PCDHGA11: variants seen among roughly 807,000 people sequenced by gnomAD.
PCDHGA11 encodes protocadherin gamma-A11.
A neutral mutation model predicts 60.4 loss-of-function variants in PCDHGA11; 39 were observed. The ratio of observed to expected loss-of-function variants is 0.65; its 90% confidence interval spans 0.50 to 0.84. The LOEUF is 0.84. Among genes scored for constraint, PCDHGA11 ranks in the 40% least tolerant of loss-of-function variants. The probability of loss-of-function intolerance (pLI) is 0.00; values close to 1 mark genes in which losing one functional copy is unlikely to be tolerated. For missense variants in PCDHGA11, 1,165 were observed against 1,197.7 expected (o/e 0.97, Z 0.40); for synonymous variants, 533 against 510.3 (o/e 1.04, Z -0.60).
Position 141,490,810 on chromosome 5 carries a change from T to C in PCDHGA11, c.2434-3997T>C, listed in dbSNP as rs2099704652. On this transcript the variant is annotated intron_variant, in intron 1 of 3. Transcript: ENST00000398587. This position sits in a 1 kb window ranked among gnomAD's most constrained non-coding sequence, Gnocchi z 5.4. ...GATCTTTGCCCAGCGTACCTTTGAC[T>C]ATGAATTGCTGCAGATGCTGCAGAT... 1 of 1,613,936 alleles carries C rather than the reference T, an allele frequency of 6.2e-7. No individual in the cohort carries two copies. Among genetic ancestry groups the C allele is most frequent in the Non-Finnish European group, 8.5e-7 (1 of 1,179,884 alleles).
At chr5:141,429,657 A>G (rs1455808092) in intron 1 of PCDHGA11, among the ~76,000 whole-genome samples, 1 of 152,232 alleles carries the variant, frequency 6.6e-6, no homozygotes, top group African/African-American at 2.4e-5. Flanking sequence ...TTCCCAATTT[A>G]AAATATATTA....
intron 2 of PCDHGA11, among the ~76,000 whole-genome samples, chr5:141,496,279 G>C (rs902362885): frequency 1.3e-5 from 2 of 152,198 alleles, no homozygotes; most frequent in Non-Finnish European, 2.9e-5. Context: ...ACCTTCAGTT[G>C]GTCTGAGCAG....
chr5:141,441,762 C>A (rs3805697), intron 1 of PCDHGA11: 10 of 374,012 alleles, frequency 2.7e-5, no homozygotes, highest in Non-Finnish European at 2.2e-5. Flanking sequence ...CGTGAGCCTG[C>A]GCGTGTTGGT....
chr5:141,499,150 T>C (rs1424635509), intron 2 of PCDHGA11, among the ~76,000 whole-genome samples: 5 of 152,180 alleles, frequency 3.3e-5, no homozygotes, highest in Non-Finnish European at 1.5e-5. Context: ...CTGATCCCAA[T>C]AGCTGTTGTC....
In PCDHGA11 at chr5:141,487,598, C is replaced by T. The variant is rs1450685717; in HGVS notation, c.2434-7209C>T. 6.2e-7 allele frequency: 1 copy of T among 1,614,210 alleles called. No homozygotes were observed. The highest frequency in any genetic ancestry group is 8.5e-7 in the Non-Finnish European group (1 of 1,180,046). ...TCGCCCAAGCTGCCCACCCTCTGAT[C>T]TTCTCTATGGGCTAGAGGTGAGACC... is the stretch of plus-strand genomic sequence containing the variant. On this transcript the variant is annotated intron_variant, in intron 1 of 3. Transcript: ENST00000398587. The surrounding 1 kb of genome is among the most constrained non-coding windows in gnomAD (Gnocchi z 5.0).
At chr5:141,464,556 G>A (rs1158827360) in intron 1 of PCDHGA11, among the ~76,000 whole-genome samples, 4 of 151,990 alleles carry the variant, frequency 2.6e-5, no homozygotes, top group Admixed American at 6.6e-5. Flanking sequence ...TCCCCATCTT[G>A]CATTCCTACA....
At position 141,511,239 on chromosome 5, in the gene PCDHGA11, C is replaced by A; in HGVS notation, c.*66C>A. On this transcript the variant is annotated 3_prime_UTR_variant, in exon 4 of 4. Coordinates refer to ENST00000398587, the MANE Select transcript of PCDHGA11 (RefSeq NM_018914.3). ...AACCAGCCCAGCTTCTCCTTACCTG[C>A]ACCCAGGCCTCAGAGTTTCAGGGCT... 1 of 1,587,938 alleles carries A rather than the reference C, an allele frequency of 6.3e-7. No homozygotes were observed. Among genetic ancestry groups the A allele is most frequent in the Admixed American group, 1.8e-5 (1 of 55,480 alleles).
chr5:141,497,031 A>G (rs898409925), intron 2 of PCDHGA11, among the ~76,000 whole-genome samples: 14 of 152,184 alleles, frequency 9.2e-5, no homozygotes, highest in African/African-American at 3.4e-4. Context: ...TCGATTAAAA[A>G]TACAAAAATT....
At chr5:141,470,165 G>C (rs559578238) in intron 1 of PCDHGA11, among the ~76,000 whole-genome samples, 1 of 152,276 alleles carries the variant, frequency 6.6e-6, no homozygotes, top group Non-Finnish European at 1.5e-5. Context: ...TCAAATCAAA[G>C]TATGCAAAAT....
chr5:141,489,894 G>A lies in PCDHGA11; in HGVS notation c.2434-4913G>A, dbSNP rs942456058. 33 of 1,614,204 alleles carry A rather than the reference G, an allele frequency of 2.0e-5. No individual in the cohort carries two copies. The highest frequency in any genetic ancestry group is 2.4e-5 in the Non-Finnish European group (28 of 1,180,028). Reference sequence around the variant, plus strand: ...TGGTGCTTACTGCTGTGGATGGGGGGACCCCAGCCCGCTCAGGGACCACCC... The same window carrying A: ...TGGTGCTTACTGCTGTGGATGGGGGAACCCCAGCCCGCTCAGGGACCACCC... On this transcript the variant is annotated intron_variant, in intron 1 of 3. Coordinates refer to ENST00000398587, the MANE Select transcript of PCDHGA11 (RefSeq NM_018914.3). This position sits in a 1 kb window ranked among gnomAD's most constrained non-coding sequence, Gnocchi z 4.5.
At position 141,512,903 on chromosome 5, in the gene PCDHGA11, CAA is replaced by C. The variant is rs2099884494; in HGVS notation, c.*1731_*1732del. The C allele has an allele frequency of 6.6e-6, 1 of 152,224 alleles. No individual in the cohort carries two copies. Among genetic ancestry groups the C allele is most frequent in the African/African-American group, 2.4e-5 (1 of 41,452 alleles). 9.4% of individuals were successfully genotyped at this position (152,224 alleles called of 1,614,324 possible). On this transcript the variant is annotated 3_prime_UTR_variant, in exon 4 of 4. Transcript: ENST00000398587. ...CCCCACCCTCTTCCTGTGTCTCACG[CAA>C]GTTTTATACTCTAATATTTATATGG...
At position 141,489,180 on chromosome 5, in the gene PCDHGA11, C is replaced by G. The variant is rs942218118; in HGVS notation, c.2434-5627C>G. On this transcript the variant is annotated intron_variant, in intron 1 of 3. Transcript: ENST00000398587. This position sits in a 1 kb window ranked among gnomAD's most constrained non-coding sequence, Gnocchi z 4.5. ...GACTTCAGCTGCTGCATTCCAAGCC[C>G]TGGGTCTACCTTGGAGACAGGACAG... The G allele has an allele frequency of 1.8e-5, 23 of 1,259,630 alleles. No homozygotes were observed. In the South Asian group the frequency reaches 3.0e-4, roughly 17 times the overall value. The allele number at this position is 1,259,630 out of a possible 1,614,324, so 78.0% of individuals were successfully genotyped here.
At chr5:141,470,900 G>A (rs1454085317) in intron 1 of PCDHGA11, among the ~76,000 whole-genome samples, 4 of 151,832 alleles carry the variant, frequency 2.6e-5, no homozygotes, top group African/African-American at 9.7e-5. Context: ...GTTTTTTGTA[G>A]AGATGGGACT....
intron 2 of PCDHGA11, among the ~76,000 whole-genome samples, chr5:141,500,501 G>A (rs571735791): frequency 1.3e-5 from 2 of 152,058 alleles, no homozygotes; most frequent in Non-Finnish European, 2.9e-5. Context: ...GAGCCACCGC[G>A]CCTGGCCGAG....
chr5:141,483,009 C>T (rs538900128), intron 1 of PCDHGA11, among the ~76,000 whole-genome samples: 4 of 151,942 alleles, frequency 2.6e-5, no homozygotes, highest in Non-Finnish European at 5.9e-5. Flanking sequence ...TGCTTGAACC[C>T]GGGAGGCAGA....
rs1280923293 is a variant in PCDHGA11 at position 141,478,837 on chromosome 5, G to A, written c.2434-15970G>A. ...AACTAACCAATCTTGCTAAGGGATG[G>A]TTAAGCTAAAACACAAGATCTCAGC... is the stretch of plus-strand genomic sequence containing the variant. On this transcript the variant is annotated intron_variant, in intron 1 of 3. Transcript: ENST00000398587. 3.5e-6 allele frequency: 5 copies of A among 1,428,112 alleles called. No homozygotes were observed. The African/African-American group carries it at 5.8e-5, about 16-fold the overall frequency. The allele number at this position is 1,428,112 out of a possible 1,614,324, so 88.5% of individuals were successfully genotyped here.
In PCDHGA11 at chr5:141,432,017, A is replaced by G. The variant is rs372826902; in HGVS notation, c.2433+8357A>G. The stretch of plus-strand genomic sequence containing the variant: ...TAGGGAACAGGTTCCTAGCTACAAC[A>G]TCACAGTGACCGCCACTGACCGGGG... On this transcript the variant is annotated intron_variant, in intron 1 of 3. Coordinates refer to ENST00000398587, the MANE Select transcript of PCDHGA11 (RefSeq NM_018914.3). This position sits in a 1 kb window ranked among gnomAD's most constrained non-coding sequence, Gnocchi z 6.0. The G allele has an allele frequency of 6.2e-7, 1 of 1,614,224 alleles. No individual in the cohort carries two copies. Among genetic ancestry groups the G allele is most frequent in the Non-Finnish European group, 8.5e-7 (1 of 1,180,038 alleles).
At chr5:141,455,789 G>A (rs966897617) in intron 1 of PCDHGA11, among the ~76,000 whole-genome samples, 56 of 152,058 alleles carry the variant, frequency 3.7e-4, no homozygotes, top group African/African-American at 1.3e-3. Context: ...AACTTTTCCG[G>A]AGATGCTTTA....
intron 1 of PCDHGA11, among the ~76,000 whole-genome samples, chr5:141,439,050 A>G (rs1353548752): frequency 1.3e-5 from 2 of 151,164 alleles, no homozygotes; most frequent in Non-Finnish European, 2.9e-5. Flanking sequence ...TAAGATTTCC[A>G]TATTGTGTGG....
Sources: gnomAD v4.1 joint callset for allele counts (sites outside exome capture counted in the v4.1 genomes callset) on GRCh38, gnomAD v4.1.1 for gene constraint, Gnocchi (gnomAD v3.1) non-coding constraint, MANE v1.5 for transcripts, NCBI Gene and HGNC (gene_info 2026-07-23, HGNC 2026-07-21) for gene names.